Variants in AAK1 observed in about 807,000 individuals in gnomAD.
The protein encoded by AAK1 is AP2 associated kinase 1.
A neutral mutation model predicts 116.0 loss-of-function variants in AAK1; 37 were observed. The ratio of observed to expected loss-of-function variants is 0.32; its 90% CI spans 0.25 to 0.42. AAK1 has a LOEUF of 0.42. Ranked by LOEUF, AAK1 falls within the 10% of genes least tolerant of loss-of-function variation. The pLI, the probability that AAK1 is intolerant of heterozygous loss-of-function variation, is 1.00. For synonymous variants in AAK1, 458 were observed against 439.9 expected, an observed-to-expected ratio of 1.04 and a Z score of -0.51; for missense variants, 919 against 1,170.6, an observed-to-expected ratio of 0.79 and a Z score of 3.14.
At chr2:69,505,997 T>G (rs1471702324) in intron 15 of AAK1, among the ~76,000 whole-genome samples, 1 of 152,230 alleles carries the variant, frequency 6.6e-6, no homozygotes, top group Non-Finnish European at 1.5e-5. Context: ...CCGCCCTCAC[T>G]TGTAATCTAT....
rs1482453747 is a variant in AAK1 at position 69,466,673 on chromosome 2, G to A, written c.*9196C>T. ...AATAATAGATGTTGAAAATGCAACA[G>A]GAAAAACATAAAAATAAAAGTCAGG... On this transcript the variant is annotated 3_prime_UTR_variant, in exon 22 of 22. Transcript: ENST00000409085. 3 of 1,079,460 alleles carry A rather than the reference G, an allele frequency of 2.8e-6. No homozygotes were observed. The highest frequency in any genetic ancestry group is 7.9e-5 in the East Asian group (1 of 12,662). The allele number at this position is 1,079,460 out of a possible 1,614,324, so 66.9% of individuals were successfully genotyped here. A position where few individuals can be genotyped will look rare whatever the true frequency, so the allele number is the denominator to read the frequency against.
rs867171815 is a variant in AAK1, at chr2:69,472,839, G to A, written c.*3030C>T. Reference sequence around the variant, plus strand: ...TTAGAATAGGTAGGTGTGTGTCCACGCATGTGTTTCTGTAATACTTAAAAA... The same window carrying A: ...TTAGAATAGGTAGGTGTGTGTCCACACATGTGTTTCTGTAATACTTAAAAA... On this transcript the variant is annotated 3_prime_UTR_variant, in exon 22 of 22. Transcript: ENST00000409085. 18 of 985,590 alleles carry A rather than the reference G, an allele frequency of 1.8e-5. No homozygotes were observed. Among genetic ancestry groups the A allele is most frequent in the Middle Eastern group, 5.2e-4 (1 of 1,914 alleles). The allele number at this position is 985,590 out of a possible 1,614,324, so 61.1% of individuals were successfully genotyped here.
At chr2:69,488,971 G>A (rs1168477156) in intron 17 of AAK1, among the ~76,000 whole-genome samples, 1 of 151,652 alleles carries the variant, frequency 6.6e-6, no homozygotes, top group Non-Finnish European at 1.5e-5. Context: ...CCAAGTAACT[G>A]GAACTACAGA....
At chr2:69,509,530 A>C in intron 13 of AAK1, 70 bp from the exon 14 acceptor site, 1 of 1,328,512 alleles carries the variant, frequency 7.5e-7, no homozygotes, top group Non-Finnish European at 1.0e-6. Context: ...ACAAACAGAT[A>C]AGTGTAACAA....
chr2:69,535,677 G>A (rs924934776), intron 5 of AAK1, among the ~76,000 whole-genome samples: 1 of 151,942 alleles, frequency 6.6e-6, no homozygotes, highest in Non-Finnish European at 1.5e-5. Flanking sequence ...AGCATTCCAA[G>A]CAGAAAACAG....
At chr2:69,549,101 G>A (rs972136017) in intron 3 of AAK1, among the ~76,000 whole-genome samples, 4 of 151,880 alleles carry the variant, frequency 2.6e-5, no homozygotes, top group African/African-American at 9.7e-5. Flanking sequence ...GGGCTCGGTG[G>A]CTCACGCCTG....
chr2:69,592,117 C>T (rs1036903351), intron 2 of AAK1, among the ~76,000 whole-genome samples: 2 of 152,184 alleles, frequency 1.3e-5, no homozygotes, highest in Non-Finnish European at 2.9e-5. Context: ...AGGAAGACCG[C>T]TCCAAATTCC....
intron 3 of AAK1, among the ~76,000 whole-genome samples, chr2:69,545,926 A>G (rs547374416): frequency 6.6e-6 from 1 of 152,166 alleles, no homozygotes; most frequent in Non-Finnish European, 1.5e-5. Context: ...AGGCAGCAGC[A>G]TTGAGGGGAA....
At chr2:69,516,258 A>C (rs1364617913) in intron 12 of AAK1, among the ~76,000 whole-genome samples, 1 of 152,088 alleles carries the variant, frequency 6.6e-6, no homozygotes, top group African/African-American at 2.4e-5. Context: ...TTGCTATCTT[A>C]AAACGATAGA....
chr2:69,509,532 G>C, intron 13 of AAK1, 72 bp from the exon 14 acceptor site: 1 of 1,313,422 alleles, frequency 7.6e-7, no homozygotes, highest in South Asian at 1.5e-5. Flanking sequence ...AAACAGATAA[G>C]TGTAACAACA....
Position 69,527,152 on chromosome 2 carries a change from C to G in AAK1, c.975+64G>C, listed in dbSNP as rs942120711. The G allele has an allele frequency of 3.8e-5, 45 of 1,191,314 alleles. No individual in the cohort carries two copies. The African/African-American group carries it at 5.8e-4, about 15-fold the overall frequency. 73.8% of individuals were successfully genotyped at this position (1,191,314 alleles called of 1,614,324 possible). On this transcript the variant is annotated intron_variant, in intron 9 of 21. Transcript: ENST00000409085. The stretch of plus-strand genomic sequence containing the variant: ...AATTCATTTAAACAGCTGATTAACA[C>G]CCCAGGAGCTCAAAATGGCAATTTG...
Position 69,643,699 on chromosome 2 carries a change from G to T in AAK1, c.-359C>A. 1.6e-6 allele frequency: 2 copies of T among 1,217,428 alleles called. No individual in the cohort carries two copies. Among genetic ancestry groups the T allele is most frequent in the Non-Finnish European group, 2.0e-6 (2 of 978,916 alleles). 75.4% of individuals were successfully genotyped at this position (1,217,428 alleles called of 1,614,324 possible). ...AGAGCCGGGGCCGCGCTCGGCTCCC[G>T]CCCGCCCGCCAGCTGATCCCGGGAG... On this transcript the variant is annotated 5_prime_UTR_variant, in exon 1 of 22. Coordinates refer to ENST00000409085, the MANE Select transcript of AAK1 (RefSeq NM_014911.5).
intron 14 of AAK1, among the ~76,000 whole-genome samples, chr2:69,508,946 A>T (rs1006869302): frequency 6.6e-6 from 1 of 152,242 alleles, no homozygotes; most frequent in African/African-American, 2.4e-5. Context: ...TAGAGCATGG[A>T]ACAGGTGAGA....
chr2:69,539,873 C>T (rs1262990120), intron 5 of AAK1, among the ~76,000 whole-genome samples: 1 of 152,206 alleles, frequency 6.6e-6, no homozygotes, highest in Non-Finnish European at 1.5e-5. Flanking sequence ...TGCCTGATCT[C>T]ACTATCTGGC....
At chr2:69,544,866 C>A (rs1670860882) in intron 3 of AAK1, among the ~76,000 whole-genome samples, 1 of 152,192 alleles carries the variant, frequency 6.6e-6, no homozygotes, top group African/African-American at 2.4e-5. Context: ...TCCAGAAACA[C>A]TGCAGGGGGT....
At chr2:69,586,003 G>A (rs1672748265) in intron 2 of AAK1, among the ~76,000 whole-genome samples, 2 of 152,048 alleles carry the variant, frequency 1.3e-5, no homozygotes, top group Non-Finnish European at 2.9e-5. Context: ...CTGCCTGATT[G>A]GTGCGGAGTG....
intron 13 of AAK1, among the ~76,000 whole-genome samples, chr2:69,513,842 G>A (rs139622951): frequency 9.3e-4 from 142 of 152,282 alleles, no homozygotes; most frequent in African/African-American, 3.2e-3. Flanking sequence ...AAACTGTAGA[G>A]GACAATCAGA....
At chr2:69,552,948 T>A (rs1296794883) in intron 3 of AAK1, among the ~76,000 whole-genome samples, 1 of 151,982 alleles carries the variant, frequency 6.6e-6, no homozygotes, top group African/African-American at 2.4e-5. Flanking sequence ...ATCAGGATGG[T>A]TGGAATATAG....
Position 69,475,800 on chromosome 2 carries a change from A to T in AAK1, c.*69T>A. 1 of 1,512,400 alleles carries T rather than the reference A, an allele frequency of 6.6e-7. No homozygotes were observed. Among genetic ancestry groups the T allele is most frequent in the Non-Finnish European group, 8.9e-7 (1 of 1,120,646 alleles). The allele number at this position is 1,512,400 out of a possible 1,614,324, so 93.7% of individuals were successfully genotyped here. A position where few individuals can be genotyped will look rare whatever the true frequency, so the allele number is the denominator to read the frequency against. On this transcript the variant is annotated 3_prime_UTR_variant, in exon 22 of 22. Transcript: ENST00000409085. ...TTTTTTTAAAAAAATCATTTTTTTC[A>T]TAACTCCGTAATGAAAATGTATTTT...
Sources: gnomAD v4.1 joint callset for allele counts (sites outside exome capture counted in the v4.1 genomes callset) on GRCh38, gnomAD v4.1.1 for gene constraint, MANE v1.5 for transcripts, NCBI Gene and HGNC (gene_info 2026-07-23, HGNC 2026-07-21) for gene names.